ZEB2: variants seen among roughly 807,000 people sequenced by gnomAD.
ZEB2 encodes the protein zinc finger E-box binding homeobox 2.
ZEB2 carries 6 observed loss-of-function variants against 99.9 expected under a neutral mutation model. The ratio of observed to expected loss-of-function variants is 0.06; its 90% CI spans 0.03 to 0.12. The LOEUF (loss-of-function observed/expected upper bound fraction) is 0.12. Ranked by LOEUF, ZEB2 falls within the 10% of genes least tolerant of loss-of-function variation. ZEB2 has a pLI of 1.00. For synonymous variants in ZEB2, 517 were observed against 542.5 expected, an observed-to-expected ratio of 0.95 and a Z score of 0.65; for missense variants, 969 against 1,502.8, an observed-to-expected ratio of 0.64 and a Z score of 5.87.
chr2:144,449,894 G>A (rs897376700), intron 2 of ZEB2: 1 of 152,218 alleles, frequency 6.6e-6, no homozygotes, highest in Non-Finnish European at 1.5e-5. Context: ...CTCGGATTCA[G>A]AAAAGTTGCC....
intron 6 of ZEB2, among the ~76,000 whole-genome samples, chr2:144,402,456 G>A (rs1703326058): frequency 6.6e-6 from 1 of 152,150 alleles, no homozygotes; most frequent in East Asian, 1.9e-4. Flanking sequence ...TGAGGGACCA[G>A]CGCTCATATG....
Position 144,389,946 on chromosome 2 carries a change from C to G in ZEB2, c.3150G>C (p.Ser1050=). The G allele has an allele frequency of 6.2e-7, 1 of 1,610,066 alleles. No homozygotes were observed. The highest frequency in any genetic ancestry group is 8.5e-7 in the Non-Finnish European group (1 of 1,180,016). ...TATCACACTGATAGGGCTTCTCGCC[C>G]GAGTGAAGCCTTGAGTGCTCGATAA... is the stretch of plus-strand genomic sequence containing the variant. The part of the protein sequence containing the change: ...HHLIEHSRLH[S]GEKPYQCDKC... The change falls in exon 10 of 10, where the codon TCG becomes TCC. Residue 1050 remains serine (S), a synonymous_variant. Transcript: ENST00000627532. The surrounding 1 kb of genome is among the most constrained non-coding windows in gnomAD (Gnocchi z 6.8).
At chr2:144,457,393 T>G (rs1311785655) in intron 2 of ZEB2, among the ~76,000 whole-genome samples, 2 of 152,194 alleles carry the variant, frequency 1.3e-5, no homozygotes, top group Non-Finnish European at 2.9e-5. Flanking sequence ...TGTCTCTAGA[T>G]TCTATCTGTG....
At chr2:144,455,805 T>C (rs1354541100) in intron 2 of ZEB2, among the ~76,000 whole-genome samples, 2 of 152,228 alleles carry the variant, frequency 1.3e-5, no homozygotes, top group South Asian at 2.1e-4. Flanking sequence ...TACAGGATCG[T>C]TGGAAATGGG....
chr2:144,445,361 C>T (rs1261751871), intron 2 of ZEB2, among the ~76,000 whole-genome samples: 2 of 147,102 alleles, frequency 1.4e-5, no homozygotes, highest in African/African-American at 2.5e-5. Flanking sequence ...ATTAGCACAG[C>T]GGGATAATTG....
chr2:144,404,860 C>G lies in ZEB2; in HGVS notation c.568G>C (p.Glu190Gln), dbSNP rs1703362348. 1 of 1,614,036 alleles carries G rather than the reference C, an allele frequency of 6.2e-7. No homozygotes were observed. The highest frequency in any genetic ancestry group is 8.5e-7 in the Non-Finnish European group (1 of 1,180,010). ...CCATTTTCTTCTTGCCCATTGGCCT[C>G]TGGCGTGCCAAGGCGAGACAGCTCC... ...PEELSRLGTPEANGQEENDLP... is the reference protein window; with the variant it reads ...PEELSRLGTPQANGQEENDLP... The change falls in exon 5 of 10, where the codon GAG (glutamate) becomes CAG (glutamine). Residue 190 changes from glutamate to glutamine, a missense_variant. Glu to Gln is a conservative substitution (Grantham distance 29). Transcript: ENST00000627532.
intron 2 of ZEB2, among the ~76,000 whole-genome samples, chr2:144,478,471 A>T (rs7598022): frequency 0.82 from 123,849 of 151,676 alleles, 50,726 homozygotes; most frequent in Admixed American, 0.83. Flanking sequence ...CGTGTGTGTT[A>T]AAATCTAAAT....
chr2:144,420,770 G>A (rs1703609177), intron 4 of ZEB2, among the ~76,000 whole-genome samples: 1 of 152,136 alleles, frequency 6.6e-6, no homozygotes, highest in South Asian at 2.1e-4. Flanking sequence ...AGGGTCTGAA[G>A]GGATAGCATG....
At chr2:144,437,107 G>A (rs1703849506) in intron 2 of ZEB2, among the ~76,000 whole-genome samples, 1 of 152,090 alleles carries the variant, frequency 6.6e-6, no homozygotes, top group African/African-American at 2.4e-5. Flanking sequence ...TTCATTTAGT[G>A]AGTTTTTGTA....
chr2:144,431,675 A>G (rs1703771453), intron 2 of ZEB2, among the ~76,000 whole-genome samples: 2 of 151,970 alleles, frequency 1.3e-5, no homozygotes, highest in East Asian at 1.9e-4. Flanking sequence ...CTACAAAAAG[A>G]GAGATATTCT....
Position 144,399,652 on chromosome 2 carries a change from C to T in ZEB2, c.1535G>A (p.Gly512Asp). Residue 512 changes from glycine to aspartate, a missense_variant, in exon 8 of 10, where the codon GGT (glycine) becomes GAT (aspartate). By Grantham distance (94) the Gly-to-Asp change is moderately conservative. Transcript: ENST00000627532. The surrounding 1 kb of genome is among the most constrained non-coding windows in gnomAD (Gnocchi z 5.6). ...ACCATTATGACTCACTACCGGAAGA[C>T]CGACAGGCGGAATATTAGGAGAAGT... ...GVTSPNIPPV[G>D]LPVVSHNGAT... The T allele has an allele frequency of 6.2e-7, 1 of 1,614,148 alleles. No individual in the cohort carries two copies. The highest frequency in any genetic ancestry group is 8.5e-7 in the Non-Finnish European group (1 of 1,180,022).
intron 2 of ZEB2, chr2:144,512,033 G>C (rs779371194): frequency 4.2e-5 from 54 of 1,287,048 alleles, no homozygotes; most frequent in Non-Finnish European, 5.2e-5. Flanking sequence ...AATCAAAAAG[G>C]TGTCTGACTT....
intron 9 of ZEB2, among the ~76,000 whole-genome samples, chr2:144,395,802 A>T (rs1025484034): frequency 1.3e-5 from 2 of 152,182 alleles, no homozygotes; most frequent in African/African-American, 4.8e-5. Flanking sequence ...ATTGTTCCTA[A>T]TTAGTAATGC....
chr2:144,466,085 G>C (rs946122765), intron 2 of ZEB2, among the ~76,000 whole-genome samples: 11 of 152,076 alleles, frequency 7.2e-5, no homozygotes, highest in African/African-American at 2.4e-4. Context: ...TTCTCTTTTC[G>C]CAACCAAATG....
At chr2:144,397,111 G>A (rs1703240259) in intron 8 of ZEB2, among the ~76,000 whole-genome samples, 1 of 152,004 alleles carries the variant, frequency 6.6e-6, no homozygotes, top group Admixed American at 6.6e-5. Context: ...TTTGAAATAG[G>A]GAATATTAAT....
intron 2 of ZEB2, among the ~76,000 whole-genome samples, chr2:144,507,882 A>G (rs1262656658): frequency 6.6e-6 from 1 of 152,206 alleles, no homozygotes; most frequent in East Asian, 1.9e-4. Flanking sequence ...GATTTCTAGC[A>G]AATGATATGA....
chr2:144,430,684 T>C (rs1216184867), intron 2 of ZEB2: 1 of 164,780 alleles, frequency 6.1e-6, no homozygotes, highest in Non-Finnish European at 1.5e-5. Context: ...CATAGTGTCA[T>C]AATTACAGAA....
chr2:144,413,738 T>A (rs572211863), intron 4 of ZEB2, among the ~76,000 whole-genome samples: 1 of 152,314 alleles, frequency 6.6e-6, no homozygotes, highest in East Asian at 1.9e-4. Flanking sequence ...AACTGAATTA[T>A]CTGATAAACT....
chr2:144,394,642 A>C (rs1703197348), intron 9 of ZEB2, among the ~76,000 whole-genome samples: 1 of 152,264 alleles, frequency 6.6e-6, no homozygotes, highest in African/African-American at 2.4e-5. Flanking sequence ...CAAACATTGA[A>C]TTATATAACA....
Sources: allele counts gnomAD v4.1 joint callset (sites outside exome capture counted in the v4.1 genomes callset), GRCh38; gene constraint gnomAD v4.1.1; non-coding constraint Gnocchi (gnomAD v3.1); transcripts MANE v1.5; gene names NCBI Gene and HGNC (gene_info 2026-07-23, HGNC 2026-07-21).